CNTN5: variants seen among roughly 807,000 people sequenced by gnomAD.
CNTN5 encodes the protein contactin 5.
In CNTN5, 77 loss-of-function variants were observed where a neutral mutation model predicts 129.1. The observed-to-expected ratio is 0.60, with a 90% CI of 0.50 to 0.72. CNTN5 has a LOEUF of 0.72. Ranked by LOEUF, CNTN5 falls within the 30% of genes least tolerant of loss-of-function variation. CNTN5 has a pLI of 0.00. For missense variants in CNTN5, 1,478 were observed against 1,328.8 expected, an observed-to-expected ratio of 1.11 and a Z score of -1.75; for synonymous variants, 509 against 465.6, an observed-to-expected ratio of 1.09 and a Z score of -1.20.
At chr11:99,979,150 G>T (rs1938181397) in intron 8 of CNTN5, among the ~76,000 whole-genome samples, 1 of 151,984 alleles carries the variant, frequency 6.6e-6, no homozygotes, top group South Asian at 2.1e-4. Context: ...TTCTTTTGGT[G>T]CTGGGGATTC....
intron 1 of CNTN5, among the ~76,000 whole-genome samples, chr11:99,312,235 G>A (rs536047038): frequency 1.3e-5 from 2 of 152,228 alleles, no homozygotes; most frequent in Admixed American, 1.3e-4. Context: ...CTCAAATATT[G>A]CAGTGGAGTG....
intron 13 of CNTN5, among the ~76,000 whole-genome samples, chr11:100,112,325 T>C (rs927008112): frequency 2.0e-5 from 3 of 152,168 alleles, no homozygotes; most frequent in African/African-American, 7.2e-5. Flanking sequence ...TTCTCTGTTA[T>C]TTTTAGATAC....
At chr11:99,966,815 G>T (rs183476727) in intron 8 of CNTN5, among the ~76,000 whole-genome samples, 10 of 152,096 alleles carry the variant, frequency 6.6e-5, no homozygotes, top group African/African-American at 2.4e-4. Context: ...AACAAAAAAA[G>T]TTGACTTTCT....
At chr11:99,828,588 C>T (rs1037760329) in intron 4 of CNTN5, among the ~76,000 whole-genome samples, 10 of 152,100 alleles carry the variant, frequency 6.6e-5, no homozygotes, top group Middle Eastern at 3.4e-3. Context: ...AAATCATAGC[C>T]GATACCCTAT....
At chr11:100,063,189 C>A (rs1044194556) in intron 10 of CNTN5, among the ~76,000 whole-genome samples, 4 of 151,932 alleles carry the variant, frequency 2.6e-5, no homozygotes, top group Non-Finnish European at 5.9e-5. Context: ...CTCCCTTAAC[C>A]CCAGCTACTT....
intron 18 of CNTN5, among the ~76,000 whole-genome samples, chr11:100,293,189 A>G (rs899197248): frequency 2.6e-5 from 4 of 151,870 alleles, no homozygotes; most frequent in Non-Finnish European, 4.4e-5. Flanking sequence ...TTGTGGATCC[A>G]TATAAACAAA....
chr11:99,082,507 T>G (rs1172376015), intron 1 of CNTN5, among the ~76,000 whole-genome samples: 1 of 152,146 alleles, frequency 6.6e-6, no homozygotes, highest in Non-Finnish European at 1.5e-5. Flanking sequence ...AAAATGTGCT[T>G]TCTGGGAGAA....
chr11:99,278,408 C>A (rs2135880577), intron 1 of CNTN5, among the ~76,000 whole-genome samples: 1 of 151,584 alleles, frequency 6.6e-6, no homozygotes, highest in Admixed American at 6.6e-5. Flanking sequence ...TTTTTTCTCA[C>A]TGAAGCACAT....
At chr11:99,197,508 A>G (rs1485799019) in intron 1 of CNTN5, among the ~76,000 whole-genome samples, 5 of 152,090 alleles carry the variant, frequency 3.3e-5, no homozygotes, top group African/African-American at 1.2e-4. Context: ...TCAATAATAC[A>G]TGAAATAAAG....
chr11:99,970,129 T>G (rs1951209349), intron 8 of CNTN5, among the ~76,000 whole-genome samples: 3 of 152,258 alleles, frequency 2.0e-5, no homozygotes, highest in East Asian at 3.9e-4. Flanking sequence ...GCAATGTCAT[T>G]CTTAGCCATT....
chr11:99,988,791 T>C (rs993326808), intron 8 of CNTN5, among the ~76,000 whole-genome samples: 3 of 152,108 alleles, frequency 2.0e-5, no homozygotes, highest in Non-Finnish European at 4.4e-5. Context: ...TCAATTGTCT[T>C]AGCCTTATCC....
chr11:99,584,770 T>C (rs1479998469), intron 3 of CNTN5, among the ~76,000 whole-genome samples: 1 of 152,222 alleles, frequency 6.6e-6, no homozygotes, highest in East Asian at 1.9e-4. Flanking sequence ...TGTGTAGTTG[T>C]TTGAACTGTG....
chr11:99,826,626 G>T (rs1234961063), intron 4 of CNTN5, among the ~76,000 whole-genome samples: 1 of 152,168 alleles, frequency 6.6e-6, no homozygotes, highest in Non-Finnish European at 1.5e-5. Flanking sequence ...ATAGATAAAA[G>T]AAATCATGTG....
intron 1 of CNTN5, among the ~76,000 whole-genome samples, chr11:99,278,039 T>G (rs749341232): frequency 6.6e-6 from 1 of 151,682 alleles, no homozygotes; most frequent in Non-Finnish European, 1.5e-5. Context: ...TAAGTTGTTT[T>G]TACACAAAGA....
At chr11:99,712,964 C>CT (rs916846307) in intron 3 of CNTN5, among the ~76,000 whole-genome samples, 8 of 151,652 alleles carry the variant, frequency 5.3e-5, no homozygotes, top group African/African-American at 1.7e-4. Flanking sequence ...TAGGTGGGCT[C>CT]TTTTTTTTGT....
rs188547222 is a variant in CNTN5 at position 99,022,223 on chromosome 11, A to G, written c.-210+953A>G. Among the ~76,000 whole-genome samples the G allele has an allele frequency of 1.6e-4, 25 of 152,314 alleles. 2 individuals carry two copies. In the East Asian group the frequency reaches 4.8e-3, roughly 29 times the overall value. On this transcript the variant is annotated intron_variant, in intron 1 of 24. Coordinates refer to ENST00000524871, the MANE Select transcript of CNTN5 (RefSeq NM_014361.4). ...TTGATTCTCAATTACGACTGTGGAAATAAGGATGAAAGAAGTAGATGTTCA... is the reference window on the plus strand; with the variant it reads ...TTGATTCTCAATTACGACTGTGGAAGTAAGGATGAAAGAAGTAGATGTTCA...
chr11:99,766,097 T>G (rs960414871), intron 3 of CNTN5, among the ~76,000 whole-genome samples: 1 of 152,054 alleles, frequency 6.6e-6, no homozygotes, highest in Non-Finnish European at 1.5e-5. Context: ...ACTGACACAA[T>G]ATTATTTTAT....
chr11:99,560,054 T>C (rs1041225640), intron 3 of CNTN5, among the ~76,000 whole-genome samples: 2 of 151,880 alleles, frequency 1.3e-5, no homozygotes, highest in Admixed American at 6.6e-5. Context: ...AGGGAGAAGG[T>C]TGAATGGGTA....
intron 13 of CNTN5, among the ~76,000 whole-genome samples, chr11:100,096,118 G>T (rs954599140): frequency 2.0e-5 from 3 of 151,938 alleles, no homozygotes; most frequent in Non-Finnish European, 4.4e-5. Context: ...TGTTTTACTG[G>T]CACCAAATTG....
Sources: gnomAD v4.1 joint callset for allele counts (sites outside exome capture counted in the v4.1 genomes callset) on GRCh38, gnomAD v4.1.1 for gene constraint, MANE v1.5 for transcripts, NCBI Gene and HGNC (gene_info 2026-07-23, HGNC 2026-07-21) for gene names.